TLK2: variants seen among roughly 807,000 people sequenced by gnomAD.
The protein encoded by TLK2 is serine/threonine-protein kinase tousled-like 2.
In TLK2, 6 loss-of-function variants were observed where a neutral mutation model predicts 117.3. The observed-to-expected ratio is 0.05, with a 90% CI of 0.03 to 0.10. The LOEUF (loss-of-function observed/expected upper bound fraction) is 0.10, where lower values mean the gene tolerates loss of function less well. Among genes scored for constraint, TLK2 ranks in the 10% least tolerant of loss-of-function variants. The pLI, the probability that TLK2 is intolerant of heterozygous loss-of-function variation, is 1.00. For missense variants in TLK2, 299 were observed against 901.2 expected (o/e 0.33, Z 8.56); for synonymous variants, 257 against 316.7 (o/e 0.81, Z 2.00).
chr17:62,528,245 T>A (rs1259753948), intron 6 of TLK2, among the ~76,000 whole-genome samples: 4 of 152,182 alleles, frequency 2.6e-5, no homozygotes, highest in African/African-American at 9.7e-5. Context: ...GAAGAATAGA[T>A]GGATAAAAAA....
intron 2 of TLK2, among the ~76,000 whole-genome samples, chr17:62,501,914 G>A (rs1364609148): frequency 6.6e-6 from 1 of 152,012 alleles, no homozygotes; most frequent in Non-Finnish European, 1.5e-5. Context: ...CTGGAATGCA[G>A]TGGCACAATC....
chr17:62,525,785 G>T (rs1173249318), intron 6 of TLK2, among the ~76,000 whole-genome samples: 1 of 152,170 alleles, frequency 6.6e-6, no homozygotes, highest in African/African-American at 2.4e-5. Context: ...AGAAATGTTT[G>T]TTTGATCATA....
chr17:62,578,602 G>A, intron 14 of TLK2, 28 bp downstream of exon 14: 3 of 1,545,534 alleles, frequency 1.9e-6, no homozygotes, highest in Non-Finnish European at 1.8e-6. Context: ...ATATTGGGTT[G>A]GAGATTGCTA....
At position 62,613,713 on chromosome 17, in the gene TLK2, G is replaced by A. The variant is rs2245092; in HGVS notation, c.*1148G>A. Reference sequence around the variant, plus strand: ...TGGCAGCAAACAACCTTCCCCCCAAGCCTCTGAATTTTGTGGGTGTGTGGT... The same window carrying A: ...TGGCAGCAAACAACCTTCCCCCCAAACCTCTGAATTTTGTGGGTGTGTGGT... On this transcript the variant is annotated 3_prime_UTR_variant, in exon 22 of 22. Coordinates refer to ENST00000346027, the MANE Select transcript of TLK2 (RefSeq NM_006852.6). 96,345 of 151,988 alleles carry A rather than the reference G, an allele frequency of 0.63. 30,744 individuals carry two copies. The highest frequency in any genetic ancestry group is 0.82 in the East Asian group (4,267 of 5,182). 9.4% of individuals were successfully genotyped at this position (151,988 alleles called of 1,614,324 possible).
intron 2 of TLK2, among the ~76,000 whole-genome samples, chr17:62,494,168 C>T (rs749241345): frequency 3.9e-5 from 6 of 152,134 alleles, no homozygotes; most frequent in Admixed American, 6.6e-5. Flanking sequence ...ATGTAACCTC[C>T]GTCTCCTGGG....
intron 7 of TLK2, among the ~76,000 whole-genome samples, chr17:62,549,313 G>C (rs544159553): frequency 5.7e-5 from 8 of 140,896 alleles, no homozygotes; most frequent in African/African-American, 1.8e-4. Flanking sequence ...TCAGGAGAAC[G>C]GCGTGAACCT....
chr17:62,478,647 C>T (rs1240694169), upstream of TLK2, among the ~76,000 whole-genome samples: 4 of 150,668 alleles, frequency 2.7e-5, no homozygotes, highest in African/African-American at 7.3e-5. Flanking sequence ...GCAGCGCGGC[C>T]GCTGATTGGA....
intron 10 of TLK2, among the ~76,000 whole-genome samples, chr17:62,562,238 T>C (rs1473386927): frequency 6.6e-6 from 1 of 152,122 alleles, no homozygotes; most frequent in African/African-American, 2.4e-5. Context: ...TGTGCGCCTG[T>C]AATCTTAGCT....
intron 21 of TLK2, among the ~76,000 whole-genome samples, chr17:62,608,485 G>A (rs2083474198): frequency 6.6e-6 from 1 of 152,184 alleles, no homozygotes. Flanking sequence ...TCTGTATTCA[G>A]GGATTATGAT....
chr17:62,598,713 CAG>C (rs1198784868), intron 17 of TLK2, among the ~76,000 whole-genome samples: 1 of 151,798 alleles, frequency 6.6e-6, no homozygotes, highest in Admixed American at 6.6e-5. Context: ...TTAGTAGAGA[CAG>C]GGTTTCACCG....
At chr17:62,564,954 C>T in intron 10 of TLK2, 47 bp from the exon 11 acceptor site, 1 of 1,570,102 alleles carries the variant, frequency 6.4e-7, no homozygotes, top group Non-Finnish European at 8.6e-7. Flanking sequence ...GTGTCTTTAT[C>T]CATGCTAATT....
At chr17:62,480,156 G>C (rs1173426529) in intron 1 of TLK2, among the ~76,000 whole-genome samples, 2 of 152,370 alleles carry the variant, frequency 1.3e-5, no homozygotes, top group South Asian at 2.1e-4. Flanking sequence ...AGAGTTGTTG[G>C]ATTGCAGAGG....
intron 16 of TLK2, among the ~76,000 whole-genome samples, chr17:62,589,311 G>A (rs1025345812): frequency 2.6e-5 from 4 of 152,172 alleles, no homozygotes; most frequent in Non-Finnish European, 5.9e-5. Context: ...ATCGGAGTTA[G>A]TATGCTTTTG....
chr17:62,518,613 G>A (rs960808958), intron 2 of TLK2, among the ~76,000 whole-genome samples: 2 of 152,126 alleles, frequency 1.3e-5, no homozygotes, highest in African/African-American at 2.4e-5. Flanking sequence ...GGCTGAGGCG[G>A]AAGAATTGCT....
At chr17:62,494,157 C>A (rs1460759148) in intron 2 of TLK2, among the ~76,000 whole-genome samples, 1 of 152,064 alleles carries the variant, frequency 6.6e-6, no homozygotes, top group Non-Finnish European at 1.5e-5. Flanking sequence ...GATCTCAGCT[C>A]ATGTAACCTC....
rs553227178 is a variant in TLK2, at chr17:62,521,932, A to G, written c.154-272A>G. ...GTCCTACATTTGTGCTCTATTAAAT[A>G]TCTTATGAAGGTTTTGTAGCAGCTC... On this transcript the variant is annotated intron_variant, in intron 3 of 21. Coordinates refer to ENST00000346027, the MANE Select transcript of TLK2 (RefSeq NM_006852.6). 3.9e-5 allele frequency among the ~76,000 whole-genome samples: 6 copies of G among 152,318 alleles called. No homozygotes were observed. The East Asian group carries it at 9.6e-4, about 24-fold the overall frequency.
chr17:62,604,420 A>T (rs113519469), intron 19 of TLK2, among the ~76,000 whole-genome samples: 9 of 136,072 alleles, frequency 6.6e-5, no homozygotes, highest in East Asian at 4.5e-4. Context: ...ATATATATAT[A>T]TTTTTAGCAC....
At chr17:62,552,505 C>T in intron 8 of TLK2, 108 bp downstream of exon 8, 1 of 1,542,438 alleles carries the variant, frequency 6.5e-7, no homozygotes, top group South Asian at 1.2e-5. Context: ...TTTCTCTGAC[C>T]ACCTCATTAT....
At chr17:62,577,785 C>G (rs1055211979) in intron 13 of TLK2, among the ~76,000 whole-genome samples, 1 of 152,156 alleles carries the variant, frequency 6.6e-6, no homozygotes, top group Non-Finnish European at 1.5e-5. Flanking sequence ...GTGGCTCACA[C>G]CTGTAATGCC....
Sources: gnomAD v4.1 joint callset for allele counts (sites outside exome capture counted in the v4.1 genomes callset) on GRCh38, gnomAD v4.1.1 for gene constraint, MANE v1.5 for transcripts, NCBI Gene and HGNC (gene_info 2026-07-23, HGNC 2026-07-21) for gene names.